The following CDH23 variants were observed in gnomAD, a reference collection of about 807,000 sequenced individuals.
The protein encoded by CDH23 is cadherin-23.
Under a neutral mutation model 317.1 loss-of-function variants are expected in CDH23, and 189 were observed. The ratio of observed to expected loss-of-function variants is 0.60; its 90% CI spans 0.53 to 0.67. The LOEUF (loss-of-function observed/expected upper bound fraction) is 0.67, where lower values mean the gene tolerates loss of function less well. Ranked by LOEUF, CDH23 falls within the 30% of genes least tolerant of loss-of-function variation. The probability of loss-of-function intolerance (pLI) is 0.00; values close to 1 mark genes in which losing one functional copy is unlikely to be tolerated. For missense variants in CDH23, 4,401 were observed against 4,592.4 expected, an observed-to-expected ratio of 0.96 and a Z score of 1.20; for synonymous variants, 1,839 against 1,876.8, an observed-to-expected ratio of 0.98 and a Z score of 0.52.
intron 22 of CDH23, among the ~76,000 whole-genome samples, chr10:71,697,800 G>T (rs890451771): frequency 2.0e-5 from 3 of 152,134 alleles, no homozygotes; most frequent in Non-Finnish European, 2.9e-5. Context: ...TACAAAACCC[G>T]CAGGGTCTGC....
In CDH23 at chr10:71,480,408, C is replaced by T. The variant is rs577617781; in HGVS notation, c.146-29674C>T. ...AGGATGCAGACACTGCTGTCCGGGT[C>T]GGACGGGGGCTAGACTAACATCAGC... On this transcript the variant is annotated intron_variant, in intron 3 of 69. Transcript: ENST00000224721. 1.4e-4 allele frequency among the ~76,000 whole-genome samples: 21 copies of T among 152,338 alleles called. 1 individual carries two copies. Among genetic ancestry groups the T allele is most frequent in the Middle Eastern group, 3.4e-3 (1 of 294 alleles).
intron 22 of CDH23, among the ~76,000 whole-genome samples, chr10:71,696,385 TCTC>T (rs1207751317): frequency 6.6e-6 from 1 of 152,184 alleles, no homozygotes; most frequent in African/African-American, 2.4e-5. Context: ...TCAGGAACTC[TCTC>T]CTCCTCACTG....
At chr10:71,471,649 C>T (rs1172611473) in intron 3 of CDH23, among the ~76,000 whole-genome samples, 1 of 152,170 alleles carries the variant, frequency 6.6e-6, no homozygotes, top group African/African-American at 2.4e-5. Flanking sequence ...TGACGTGTCC[C>T]CGTGAGAACT....
At chr10:71,679,308 C>G (rs1864509548) in intron 16 of CDH23, 79 bp from the exon 17 acceptor site, 1 of 861,724 alleles carries the variant, frequency 1.2e-6, no homozygotes, top group African/African-American at 1.7e-5. Context: ...CAGTCTTCCC[C>G]ACCCTCCCAG....
chr10:71,411,868 A>T (rs748571906), intron 1 of CDH23, among the ~76,000 whole-genome samples: 3 of 152,224 alleles, frequency 2.0e-5, no homozygotes, highest in Non-Finnish European at 2.9e-5. Flanking sequence ...TGGCATTAGT[A>T]TATTCACAGT....
At chr10:71,487,975 C>T (rs1486296987) in intron 3 of CDH23, among the ~76,000 whole-genome samples, 1 of 152,246 alleles carries the variant, frequency 6.6e-6, no homozygotes, top group Non-Finnish European at 1.5e-5. Context: ...GTGCGTACAC[C>T]ATCATTGCAT....
intron 9 of CDH23, among the ~76,000 whole-genome samples, chr10:71,603,741 C>A (rs1860369869): frequency 6.6e-6 from 1 of 152,204 alleles, no homozygotes. Context: ...GCCATGAGGG[C>A]TATGTGAGAC....
chr10:71,447,385 C>T (rs1354698511), intron 3 of CDH23, among the ~76,000 whole-genome samples: 1 of 152,116 alleles, frequency 6.6e-6, no homozygotes, highest in Admixed American at 6.5e-5. Flanking sequence ...CAGTGGGGTG[C>T]CTTACGCGGG....
At chr10:71,446,245 C>A in intron 2 of CDH23, 73 bp from the exon 3 acceptor site, 5 of 1,424,052 alleles carry the variant, frequency 3.5e-6, no homozygotes, top group Non-Finnish European at 5.0e-6. Context: ...CAGCCCTCAC[C>A]CTGTGTCACC....
At chr10:71,582,553 G>C (rs3861032) in intron 9 of CDH23, among the ~76,000 whole-genome samples, 8,909 of 152,210 alleles carry the variant, frequency 0.059, 370 homozygotes, top group Non-Finnish European at 0.088. Context: ...TCTAGAGTTA[G>C]GTGGCCTCGG....
At chr10:71,538,884 C>T (rs1855844713) in intron 6 of CDH23, among the ~76,000 whole-genome samples, 1 of 152,130 alleles carries the variant, frequency 6.6e-6, no homozygotes, top group African/African-American at 2.4e-5. Flanking sequence ...CAGTGTTTTG[C>T]CAAGTTCTCA....
At chr10:71,589,590 G>A (rs1008580003) in intron 9 of CDH23, among the ~76,000 whole-genome samples, 3 of 152,182 alleles carry the variant, frequency 2.0e-5, no homozygotes, top group African/African-American at 7.2e-5. Context: ...CCTGAAGCAT[G>A]GCATATGTAA....
rs375024894 is a variant in CDH23, at chr10:71,652,588, A to C, written c.1449+5971A>C. ...GACCCTGGACAAGACACCGGGCCTC[A>C]GTTTCCTCTTCTGTGAGCTGGGGGA... On this transcript the variant is annotated intron_variant, in intron 14 of 69. Transcript: ENST00000224721. Among the ~76,000 whole-genome samples, 33 of 152,338 alleles carry C rather than the reference A, an allele frequency of 2.2e-4. No individual in the cohort carries two copies. The East Asian group carries it at 3.9e-3, about 18-fold the overall frequency.
At chr10:71,400,806 A>G (rs1417391171) in intron 1 of CDH23, among the ~76,000 whole-genome samples, 5 of 152,184 alleles carry the variant, frequency 3.3e-5, no homozygotes, top group Non-Finnish European at 5.9e-5. Context: ...CTCAAAATCA[A>G]TCAATCAATA....
chr10:71,664,809 C>T (rs527862667), intron 14 of CDH23, among the ~76,000 whole-genome samples: 1 of 151,828 alleles, frequency 6.6e-6, no homozygotes, highest in South Asian at 2.1e-4. Context: ...TTGATCTCCT[C>T]CCCCTTCCCC....
chr10:71,709,017 C>G, intron 26 of CDH23, 81 bp from the exon 27 acceptor site: 1 of 1,303,618 alleles, frequency 7.7e-7, no homozygotes, highest in East Asian at 2.4e-5. Context: ...ATCGCGGGTC[C>G]CAGCTCAGGA....
At chr10:71,457,564 G>C (rs2132051343) in intron 3 of CDH23, among the ~76,000 whole-genome samples, 1 of 152,316 alleles carries the variant, frequency 6.6e-6, no homozygotes. Flanking sequence ...GGTCCACATG[G>C]GGCAGGTGCT....
chr10:71,472,738 G>A (rs1315086435), intron 3 of CDH23, among the ~76,000 whole-genome samples: 1 of 152,202 alleles, frequency 6.6e-6, no homozygotes, highest in Non-Finnish European at 1.5e-5. Flanking sequence ...GGGAGGGCAG[G>A]TTGGCAGTGC....
At chr10:71,465,739 T>C (rs1380377833) in intron 3 of CDH23, among the ~76,000 whole-genome samples, 3 of 152,234 alleles carry the variant, frequency 2.0e-5, no homozygotes, top group Non-Finnish European at 4.4e-5. Context: ...GATTGGAACA[T>C]TGTCTGCAGT....
Sources: allele counts gnomAD v4.1 joint callset (sites outside exome capture counted in the v4.1 genomes callset), GRCh38; gene constraint gnomAD v4.1.1; transcripts MANE v1.5; gene names NCBI Gene and HGNC (gene_info 2026-07-23, HGNC 2026-07-21).